DAB1: variants seen among roughly 807,000 people sequenced by gnomAD.
DAB1 encodes DAB adaptor protein 1.
In DAB1, 15 loss-of-function variants were observed where a neutral mutation model predicts 64.6. That is an observed-to-expected ratio of 0.23 (90% CI 0.16 to 0.36). The LOEUF is 0.36. Ranked by LOEUF, DAB1 falls within the 10% of genes least tolerant of loss-of-function variation. The pLI is 1.00. For missense variants in DAB1, 596 were observed against 706.7 expected, an observed-to-expected ratio of 0.84 and a Z score of 1.78; for synonymous variants, 235 against 251.9, an observed-to-expected ratio of 0.93 and a Z score of 0.64.
intron 3 of DAB1, among the ~76,000 whole-genome samples, chr1:58,429,333 G>T (rs1193299403): frequency 6.6e-6 from 1 of 152,226 alleles, no homozygotes; most frequent in Non-Finnish European, 1.5e-5. Flanking sequence ...AGAACATCAA[G>T]AGAGCAGGCG....
At chr1:57,751,383 C>T (rs7540400) in intron 6 of DAB1, among the ~76,000 whole-genome samples, 16,078 of 152,026 alleles carry the variant, frequency 0.11, 904 homozygotes, top group African/African-American at 0.15. Flanking sequence ...TCCTGAGACA[C>T]TGGTGGGTCT....
At position 57,200,449 on chromosome 1, in the gene DAB1, C is replaced by T. The variant is rs541997884; in HGVS notation, c.68-55020G>A. ...AAGAAATAAAAATCCAGTCTTGGTGCTATGTGTTATGTAGTATAGTGGTTA... is the reference window on the plus strand; with the variant it reads ...AAGAAATAAAAATCCAGTCTTGGTGTTATGTGTTATGTAGTATAGTGGTTA... On this transcript the variant is annotated intron_variant, in intron 2 of 14. Coordinates refer to ENST00000371236, the MANE Select transcript of DAB1 (RefSeq NM_001365792.1). Among the ~76,000 whole-genome samples, 40 of 152,252 alleles carry T rather than the reference C, an allele frequency of 2.6e-4. No homozygotes were observed. In the South Asian group the frequency reaches 7.0e-3, roughly 27 times the overall value.
chr1:58,226,997 G>A (rs72667959), intron 4 of DAB1, among the ~76,000 whole-genome samples: 19 of 152,150 alleles, frequency 1.2e-4, no homozygotes, highest in South Asian at 2.1e-4. Flanking sequence ...TTTAACTCTC[G>A]AAAGCACTCT....
chr1:57,754,485 A>C (rs1648700266), intron 6 of DAB1, among the ~76,000 whole-genome samples: 1 of 152,130 alleles, frequency 6.6e-6, no homozygotes. Context: ...CAGGAGATTG[A>C]GACCAGCCTG....
intron 5 of DAB1, among the ~76,000 whole-genome samples, chr1:58,019,310 C>T (rs1646784512): frequency 6.6e-6 from 1 of 152,100 alleles, no homozygotes; most frequent in African/African-American, 2.4e-5. Flanking sequence ...GACTTCAAAG[C>T]TATAACATTA....
At chr1:57,874,549 G>A (rs1430198592) in intron 1 of DAB1, among the ~76,000 whole-genome samples, 2 of 152,138 alleles carry the variant, frequency 1.3e-5, no homozygotes, top group African/African-American at 4.8e-5. Context: ...CAGGTGAGTA[G>A]AATGAAGCTG....
At chr1:57,087,473 C>T (rs1446894410) in intron 4 of DAB1, among the ~76,000 whole-genome samples, 1 of 152,202 alleles carries the variant, frequency 6.6e-6, no homozygotes, top group African/African-American at 2.4e-5. Context: ...AATGCCAGGG[C>T]AGAAGGAGGC....
At chr1:58,503,577 G>C (rs994248387) in intron 3 of DAB1, among the ~76,000 whole-genome samples, 1 of 152,060 alleles carries the variant, frequency 6.6e-6, no homozygotes, top group Non-Finnish European at 1.5e-5. Flanking sequence ...AAGCGCCTTT[G>C]GGAGGCGATT....
At chr1:57,700,155 C>G (rs574105034) in intron 6 of DAB1, among the ~76,000 whole-genome samples, 29 of 152,278 alleles carry the variant, frequency 1.9e-4, no homozygotes, top group African/African-American at 6.5e-4. Flanking sequence ...GACTCCTTCA[C>G]TCTGTCCCCA....
chr1:57,909,622 T>C (rs1333008390), intron 5 of DAB1, among the ~76,000 whole-genome samples: 1 of 152,144 alleles, frequency 6.6e-6, no homozygotes, highest in Non-Finnish European at 1.5e-5. Flanking sequence ...TACTGGGTAA[T>C]AAGTGTTGCT....
intron 5 of DAB1, among the ~76,000 whole-genome samples, chr1:58,072,538 CT>C (rs1228747855): frequency 3.9e-5 from 6 of 152,312 alleles, no homozygotes; most frequent in Non-Finnish European, 8.8e-5. Context: ...CACAGAGTTG[CT>C]GTGAGAATTA....
At chr1:58,214,919 G>A (rs938430313) in intron 4 of DAB1, among the ~76,000 whole-genome samples, 1 of 152,036 alleles carries the variant, frequency 6.6e-6, no homozygotes, top group African/African-American at 2.4e-5. Context: ...AATCGCATGA[G>A]GTAAAAAGTC....
At chr1:58,219,773 C>A (rs999689827) in intron 4 of DAB1, among the ~76,000 whole-genome samples, 3 of 152,246 alleles carry the variant, frequency 2.0e-5, no homozygotes. Flanking sequence ...TCACTGCATT[C>A]TGCACTTCAC....
chr1:58,313,339 AG>A (rs2100476097), intron 4 of DAB1, among the ~76,000 whole-genome samples: 1 of 152,242 alleles, frequency 6.6e-6, no homozygotes, highest in South Asian at 2.1e-4. Flanking sequence ...CTAGGTCTGA[AG>A]GGGCAAGAGG....
At chr1:57,318,458 A>T (rs981730744) in intron 1 of DAB1, among the ~76,000 whole-genome samples, 11 of 152,106 alleles carry the variant, frequency 7.2e-5, no homozygotes, top group Middle Eastern at 3.2e-3. Flanking sequence ...CACCTCCACA[A>T]TCTTGATATA....
intron 7 of DAB1, among the ~76,000 whole-genome samples, chr1:57,435,161 G>A (rs1256565101): frequency 6.8e-6 from 1 of 146,486 alleles, no homozygotes; most frequent in African/African-American, 2.5e-5. Flanking sequence ...TGATTCTCCT[G>A]TCTCAGCCTC....
intron 6 of DAB1, among the ~76,000 whole-genome samples, chr1:57,762,420 T>C (rs954410532): frequency 4.6e-5 from 7 of 152,250 alleles, no homozygotes; most frequent in African/African-American, 1.7e-4. Context: ...AAAGATTACA[T>C]GGGGCGGAAA....
At chr1:58,468,447 A>G (rs1017647565) in intron 3 of DAB1, 7 of 152,216 alleles carry the variant, frequency 4.6e-5, no homozygotes, top group African/African-American at 1.7e-4. Flanking sequence ...TTGCATGATG[A>G]TATCATAGAA....
At chr1:57,804,851 C>T (rs1222235870) in intron 6 of DAB1, among the ~76,000 whole-genome samples, 2 of 152,164 alleles carry the variant, frequency 1.3e-5, no homozygotes, top group African/African-American at 2.4e-5. Context: ...TGAGCCATTT[C>T]TCACCCGAGG....
Sources: gnomAD v4.1 joint callset for allele counts (sites outside exome capture counted in the v4.1 genomes callset) on GRCh38, gnomAD v4.1.1 for gene constraint, MANE v1.5 for transcripts, NCBI Gene and HGNC (gene_info 2026-07-23, HGNC 2026-07-21) for gene names.